CLEC4E: variants seen among roughly 807,000 people sequenced by gnomAD.
The protein encoded by CLEC4E is C-type (calcium dependent, carbohydrate-recognition domain) lectin, superfamily member 9.
A neutral mutation model predicts 24.7 loss-of-function variants in CLEC4E; 21 were observed. The ratio of observed to expected loss-of-function variants is 0.85; its 90% confidence interval spans 0.60 to 1.22. CLEC4E has a LOEUF of 1.22. Among genes scored for constraint, CLEC4E ranks in the 50% most tolerant of loss-of-function variants. The pLI, the probability that CLEC4E is intolerant of heterozygous loss-of-function variation, is 0.00. For missense variants in CLEC4E, 249 were observed against 254.1 expected (o/e 0.98, Z 0.14); for synonymous variants, 94 against 85.7 (o/e 1.10, Z -0.54).
intron 3 of CLEC4E, 80 bp from the exon 4 acceptor site, chr12:8,537,346 C>G: frequency 7.3e-7 from 1 of 1,373,890 alleles, no homozygotes; most frequent in Non-Finnish European, 1.0e-6. Flanking sequence ...CCCATGGAGT[C>G]CTCATTTAAG....
intron 1 of CLEC4E, among the ~76,000 whole-genome samples, chr12:8,540,355 G>A (rs752347077): frequency 1.7e-4 from 25 of 146,782 alleles, no homozygotes; most frequent in African/African-American, 4.8e-4. Context: ...CCCTTTTCTC[G>A]TCTTTGCTTT....
chr12:8,535,204 C>A (rs1236448169), intron 5 of CLEC4E, among the ~76,000 whole-genome samples: 1 of 152,194 alleles, frequency 6.6e-6, no homozygotes, highest in Non-Finnish European at 1.5e-5. Flanking sequence ...AACTTAGGTG[C>A]ATCCTGCAGT....
chr12:8,535,469 C>T (rs867064597), intron 5 of CLEC4E, among the ~76,000 whole-genome samples: 3 of 152,118 alleles, frequency 2.0e-5, no homozygotes, highest in Admixed American at 6.5e-5. Context: ...ACTTAATACC[C>T]GGGTCATGTT....
rs763850628 is a variant in CLEC4E, at chr12:8,534,366, C to T, written c.*272G>A. On this transcript the variant is annotated 3_prime_UTR_variant, in exon 6 of 6. Transcript: ENST00000299663. The stretch of plus-strand genomic sequence containing the variant: ...GGCTCCGTGTCCCTGTACTTTCATA[C>T]GAACACTAAAAAATGAGGCAAATGT... The T allele has an allele frequency of 4.5e-5, 10 of 224,600 alleles. No homozygotes were observed. The highest frequency in any genetic ancestry group is 1.8e-4 in the African/African-American group (8 of 43,558). The allele number at this position is 224,600 out of a possible 1,614,324, so 13.9% of individuals were successfully genotyped here.
chr12:8,538,571 G>C (rs915851873), intron 3 of CLEC4E, among the ~76,000 whole-genome samples: 1 of 152,192 alleles, frequency 6.6e-6, no homozygotes, highest in Non-Finnish European at 1.5e-5. Flanking sequence ...CCGCGCATTG[G>C]TGGTAGTGGT....
intron 3 of CLEC4E, 187 bp downstream of exon 3, chr12:8,539,029 AG>A (rs1940658773): frequency 2.1e-6 from 1 of 485,838 alleles, no homozygotes; most frequent in Non-Finnish European, 3.6e-6. Flanking sequence ...TTATTCTAAA[AG>A]TTTACTATAA....
At chr12:8,534,937 C>A in intron 5 of CLEC4E, 128 bp from the exon 6 acceptor site, 2 of 717,694 alleles carry the variant, frequency 2.8e-6, no homozygotes, top group Non-Finnish European at 4.4e-6. Flanking sequence ...ATTATAATGT[C>A]CATTTTATTG....
In CLEC4E at chr12:8,540,826, TC is replaced by T; in HGVS notation, c.-30del. 3 of 1,419,818 alleles carry T rather than the reference TC, an allele frequency of 2.1e-6. No individual in the cohort carries two copies. Among genetic ancestry groups the T allele is most frequent in the Non-Finnish European group, 3.0e-6 (3 of 1,003,880 alleles). 88.0% of individuals were successfully genotyped at this position (1,419,818 alleles called of 1,614,324 possible). ...TTCTCTCTCTTTGGTTTTTTGTTTCTCTCTCTCTCTTTTTCTCTCCCTCCCT... is the reference window on the plus strand; with the variant it reads ...TTCTCTCTCTTTGGTTTTTTGTTTCTTCTCTCTCTTTTTCTCTCCCTCCCT... On this transcript the variant is annotated 5_prime_UTR_variant, in exon 1 of 6. Coordinates refer to ENST00000299663, the MANE Select transcript of CLEC4E (RefSeq NM_014358.4).
chr12:8,539,151 A>T, intron 3 of CLEC4E, 66 bp downstream of exon 3: 1 of 1,136,156 alleles, frequency 8.8e-7, no homozygotes, highest in Non-Finnish European at 1.3e-6. Flanking sequence ...CCTGTCCCAA[A>T]GTCAATCTAG....
Position 8,537,170 on chromosome 12 carries a change from T to G in CLEC4E, c.317A>C (p.Lys106Thr). The G allele has an allele frequency of 6.2e-7, 1 of 1,614,168 alleles. No homozygotes were observed. The highest frequency in any genetic ancestry group is 8.5e-7 in the Non-Finnish European group (1 of 1,179,986). Residue 106 changes from lysine (K) to threonine (T), a missense_variant, in exon 4 of 6, where the codon AAG becomes ACG. Lys to Thr is a moderately conservative substitution (Grantham distance 78). Transcript: ENST00000299663. ...GTGAGCCCCCATGGCTGAGCAGTTC[T>G]TTAAACTTAACGCCCAGGAAATGGT... Reference protein sequence around the residue: ...TDTISWALSLKNCSAMGAHLV... With the variant: ...TDTISWALSLTNCSAMGAHLV...
intron 4 of CLEC4E, among the ~76,000 whole-genome samples, chr12:8,536,638 T>G (rs1275278539): frequency 2.6e-5 from 4 of 152,192 alleles, no homozygotes; most frequent in Non-Finnish European, 2.9e-5. Flanking sequence ...TGATTTTTTT[T>G]TGTGGTAAAA....
chr12:8,539,451 A>T, intron 2 of CLEC4E, 145 bp from the exon 3 acceptor site: 1 of 633,700 alleles, frequency 1.6e-6, no homozygotes, highest in Non-Finnish European at 2.8e-6. Context: ...GAGAAAATAG[A>T]TATGTTTGCA....
At chr12:8,539,493 C>T (rs868332566) in intron 2 of CLEC4E, among the ~76,000 whole-genome samples, 187 bp from the exon 3 acceptor site, 2 of 152,134 alleles carry the variant, frequency 1.3e-5, no homozygotes, top group South Asian at 2.1e-4. Context: ...ACTCTCTCTA[C>T]CCTTCCTTCC....
At chr12:8,539,084 T>C in intron 3 of CLEC4E, 133 bp downstream of exon 3, 1 of 624,836 alleles carries the variant, frequency 1.6e-6, no homozygotes, top group East Asian at 2.7e-5. Context: ...CATCACCAAA[T>C]TTCTAGGATT....
chr12:8,540,051 T>G, intron 1 of CLEC4E, 104 bp from the exon 2 acceptor site: 1 of 776,062 alleles, frequency 1.3e-6, no homozygotes, highest in Non-Finnish European at 2.2e-6. Context: ...CTACTTCCAT[T>G]GTTTGTACTG....
At chr12:8,540,147 C>G (rs1007080128) in intron 1 of CLEC4E, among the ~76,000 whole-genome samples, 200 bp from the exon 2 acceptor site, 6 of 152,178 alleles carry the variant, frequency 3.9e-5, no homozygotes, top group African/African-American at 1.4e-4. Flanking sequence ...CCAGAGTTAG[C>G]AACTCAGTAG....
chr12:8,535,019 G>A (rs891293479), intron 5 of CLEC4E, among the ~76,000 whole-genome samples: 1 of 152,128 alleles, frequency 6.6e-6, no homozygotes, highest in Non-Finnish European at 1.5e-5. Flanking sequence ...AAGCTGAACC[G>A]GATCTTTCTG....
In CLEC4E at chr12:8,540,823, T is replaced by TCTC; in HGVS notation, c.-27_-26insGAG. On this transcript the variant is annotated 5_prime_UTR_variant, in exon 1 of 6. Coordinates refer to ENST00000299663, the MANE Select transcript of CLEC4E (RefSeq NM_014358.4). The stretch of plus-strand genomic sequence containing the variant: ...TTTTTCTCTCTCTTTGGTTTTTTGT[T>TCTC]TCTCTCTCTCTCTTTTTCTCTCCCT... 7.8e-7 allele frequency: 1 copy of TCTC among 1,286,622 alleles called. No individual in the cohort carries two copies. The highest frequency in any genetic ancestry group is 1.1e-6 in the Non-Finnish European group (1 of 891,464). 79.7% of individuals were successfully genotyped at this position (1,286,622 alleles called of 1,614,324 possible).
intron 3 of CLEC4E, among the ~76,000 whole-genome samples, chr12:8,538,591 C>T (rs1940648851): frequency 6.6e-6 from 1 of 152,140 alleles, no homozygotes; most frequent in Admixed American, 6.5e-5. Context: ...TCCCTTGGGC[C>T]CAGCTGCCTT....
Sources: gnomAD v4.1 joint callset for allele counts (sites outside exome capture counted in the v4.1 genomes callset) on GRCh38, gnomAD v4.1.1 for gene constraint, MANE v1.5 for transcripts, NCBI Gene and HGNC (gene_info 2026-07-23, HGNC 2026-07-21) for gene names.